Variants in BABAM1 observed in about 807,000 individuals in gnomAD.
BABAM1 encodes the protein BRISC and BRCA1-A complex member 1.
A neutral mutation model predicts 34.4 loss-of-function variants in BABAM1; 14 were observed. The ratio of observed to expected loss-of-function variants is 0.41; its 90% CI spans 0.27 to 0.64. BABAM1 has a LOEUF of 0.64. BABAM1 is among the 30% of genes least tolerant of loss of function. The pLI is 0.34. For missense variants in BABAM1, 393 were observed against 434.0 expected, an observed-to-expected ratio of 0.91 and a Z score of 0.84; for synonymous variants, 169 against 165.8, an observed-to-expected ratio of 1.02 and a Z score of -0.15.
intron 5 of BABAM1, chr19:17,274,421 G>T: frequency 3.6e-6 from 2 of 556,918 alleles, no homozygotes; most frequent in South Asian, 2.0e-5. Context: ...ACCTGATTTG[G>T]TCCGGGCATG....
At chr19:17,268,745 A>G (rs780379657) in intron 1 of BABAM1, 49 bp from the exon 2 acceptor site, 3 of 1,497,840 alleles carry the variant, frequency 2.0e-6, no homozygotes, top group Middle Eastern at 1.9e-4. Context: ...AAATGTTTTT[A>G]AAACTCCAAG....
At chr19:17,270,827 A>G (rs531930666) in intron 2 of BABAM1, among the ~76,000 whole-genome samples, 288 of 151,840 alleles carry the variant, frequency 1.9e-3, no homozygotes, top group Non-Finnish European at 3.0e-3. Flanking sequence ...AGCTGGGACT[A>G]CAGGCGCCCG....
chr19:17,276,739 C>G (rs1418505229), intron 7 of BABAM1, 84 bp from the exon 8 acceptor site: 8 of 1,554,518 alleles, frequency 5.1e-6, no homozygotes, highest in Admixed American at 1.9e-5. Context: ...TTCCCAGAGT[C>G]TGAGGCAGAA....
chr19:17,273,737 G>A (rs1251042895), intron 3 of BABAM1, among the ~76,000 whole-genome samples, 167 bp from the exon 4 acceptor site: 1 of 151,548 alleles, frequency 6.6e-6, no homozygotes, highest in African/African-American at 2.4e-5. Flanking sequence ...TAATTTTTTT[G>A]TATTTTTAGT....
Position 17,276,949 on chromosome 19 carries a change from G to A in BABAM1, c.786+40G>A, listed in dbSNP as rs148656133. On this transcript the variant is annotated intron_variant, in intron 8 of 8. Coordinates refer to ENST00000598188, the MANE Select transcript of BABAM1 (RefSeq NM_014173.4). ...CAGGTGTGAGTAGCAGGCGGGTGTG[G>A]ACAGGATGTCTTGGAACACACCTGC... 3.3e-3 allele frequency: 5,095 copies of A among 1,534,748 alleles called. 15 individuals are homozygous for A. The highest frequency in any genetic ancestry group is 3.8e-3 in the South Asian group (319 of 84,266).
intron 5 of BABAM1, among the ~76,000 whole-genome samples, chr19:17,275,333 C>T (rs563656744): frequency 6.6e-6 from 1 of 152,134 alleles, no homozygotes; most frequent in African/African-American, 2.4e-5. Flanking sequence ...TCTTGTTGCC[C>T]AGGCTGGAGT....
chr19:17,273,565 T>TTTTTTTG (rs2073870447), intron 3 of BABAM1, among the ~76,000 whole-genome samples: 2 of 3,656 alleles, frequency 5.5e-4, no homozygotes, highest in Non-Finnish European at 4.0e-3. Context: ...GTTTGTTTTG[T>TTTTTTTG]TTTTTTTTTT....
chr19:17,279,003 G>A lies in BABAM1; in HGVS notation c.945G>A (p.Leu315=), dbSNP rs369650263. ...GCCAGAGCCATGCTTCCTACAGCCTGCTGGAGGAGGAGGATGAAGCCATTG... is the reference window on the plus strand; with the variant it reads ...GCCAGAGCCATGCTTCCTACAGCCTACTGGAGGAGGAGGATGAAGCCATTG... ...RPCQSHASYS[L]LEEEDEAIEV... is the part of the protein sequence containing the mutation. The change falls in exon 9 of 9, where the codon CTG becomes CTA. Residue 315 remains leucine, a synonymous_variant. Transcript: ENST00000598188. The A allele has an allele frequency of 6.2e-7, 1 of 1,612,570 alleles. No homozygotes were observed.
Position 17,273,793 on chromosome 19 carries a change from G to A in BABAM1, c.345-111G>A, listed in dbSNP as rs2073874842. 3 of 1,372,950 alleles carry A rather than the reference G, an allele frequency of 2.2e-6. No homozygotes were observed. The Admixed American group carries it at 7.5e-5, about 35-fold the overall frequency. 85.0% of individuals were successfully genotyped at this position (1,372,950 alleles called of 1,614,324 possible). A position where few individuals can be genotyped will look rare whatever the true frequency, so the allele number is the denominator to read the frequency against. The stretch of plus-strand genomic sequence containing the variant: ...TTGACCAGGCTGGTGTTGAACTCCT[G>A]ACCTCGTGATCCACCTGCCTCAGCC... On this transcript the variant is annotated intron_variant, in intron 3 of 8. Transcript: ENST00000598188.
Position 17,279,177 on chromosome 19 carries a change from G to A in BABAM1, c.*129G>A. 1 of 929,552 alleles carries A rather than the reference G, an allele frequency of 1.1e-6. No individual in the cohort carries two copies. Among genetic ancestry groups the A allele is most frequent in the Non-Finnish European group, 1.6e-6 (1 of 637,750 alleles). The allele number at this position is 929,552 out of a possible 1,614,324, so 57.6% of individuals were successfully genotyped here. On this transcript the variant is annotated 3_prime_UTR_variant, in exon 9 of 9. Transcript: ENST00000598188. ...GGAGGCACGTAGGGTACCTTGCAGG[G>A]TCCTAGGAGGGAAACCCAGGATTCC...
chr19:17,269,262 G>A (rs1052250955), intron 2 of BABAM1, among the ~76,000 whole-genome samples, 171 bp downstream of exon 2: 5 of 152,096 alleles, frequency 3.3e-5, no homozygotes, highest in Admixed American at 6.6e-5. Flanking sequence ...CAGTTCTTGG[G>A]GCCAGAAGTC....
chr19:17,276,409 G>A (rs984574345), intron 6 of BABAM1, 86 bp from the exon 7 acceptor site: 2 of 1,543,238 alleles, frequency 1.3e-6, no homozygotes, highest in Non-Finnish European at 1.7e-6. Flanking sequence ...CACCTGCCCG[G>A]TGAGCATCTG....
chr19:17,272,367 C>T (rs1349367905), intron 3 of BABAM1, among the ~76,000 whole-genome samples: 1 of 151,878 alleles, frequency 6.6e-6, no homozygotes, highest in African/African-American at 2.4e-5. Context: ...ATTTTGCCAC[C>T]ACACTCCAGC....
At chr19:17,278,531 G>A (rs960892680) in intron 8 of BABAM1, among the ~76,000 whole-genome samples, 4 of 151,778 alleles carry the variant, frequency 2.6e-5, no homozygotes, top group Non-Finnish European at 5.9e-5. Context: ...GGATGGTCTT[G>A]ATCTCCTGAC....
rs1048525749 is a variant in BABAM1, at chr19:17,271,590, C to G, written c.286-7C>G. ...AGGACGCTCACCACCCTCCAACTAC[C>G]TTGCAGATTATCTGCCTGGACCTGT... On this transcript the variant is annotated splice_region_variant and splice_polypyrimidine_tract_variant and intron_variant, in intron 2 of 8. Coordinates refer to ENST00000598188, the MANE Select transcript of BABAM1 (RefSeq NM_014173.4). 4.3e-6 allele frequency: 7 copies of G among 1,613,464 alleles called. No homozygotes were observed. The African/African-American group carries it at 8.0e-5, about 18-fold the overall frequency.
chr19:17,269,184 C>T, intron 2 of BABAM1, 93 bp downstream of exon 2: 8 of 1,385,076 alleles, frequency 5.8e-6, no homozygotes, highest in African/African-American at 1.5e-5. Flanking sequence ...CCTTTGTATT[C>T]GTTACCTGTG....
In BABAM1 at chr19:17,276,997, T is replaced by C. The variant is rs1184696455; in HGVS notation, c.786+88T>C. The C allele has an allele frequency of 1.8e-5, 23 of 1,249,068 alleles. No homozygotes were observed. In the Admixed American group the frequency reaches 4.8e-4, roughly 26 times the overall value. The allele number at this position is 1,249,068 out of a possible 1,614,324, so 77.4% of individuals were successfully genotyped here. A position where few individuals can be genotyped will look rare whatever the true frequency, so the allele number is the denominator to read the frequency against. On this transcript the variant is annotated intron_variant, in intron 8 of 8. Coordinates refer to ENST00000598188, the MANE Select transcript of BABAM1 (RefSeq NM_014173.4). ...TGCACTGGGTCTGGGGGTCTCTACC[T>C]CCATTTGATACCCCTGGAACCCTGG...
chr19:17,278,374 TC>T (rs142743962), intron 8 of BABAM1, among the ~76,000 whole-genome samples: 11,185 of 148,632 alleles, frequency 0.075, 542 homozygotes, highest in Non-Finnish European at 0.1. Context: ...AGTGGTGTGA[TC>T]TCGGCTCACT....
intron 2 of BABAM1, 114 bp from the exon 3 acceptor site, chr19:17,271,483 T>G: frequency 1.7e-6 from 2 of 1,174,686 alleles, no homozygotes; most frequent in Non-Finnish European, 2.4e-6. Flanking sequence ...TGGCTGAGGA[T>G]TAGAGGTCAC....
Sources: gnomAD v4.1 joint callset for allele counts (sites outside exome capture counted in the v4.1 genomes callset) on GRCh38, gnomAD v4.1.1 for gene constraint, MANE v1.5 for transcripts, NCBI Gene and HGNC (gene_info 2026-07-23, HGNC 2026-07-21) for gene names.